The following HIVEP3 variants were observed in gnomAD, a reference collection of about 807,000 sequenced individuals.
HIVEP3 encodes the protein HIVEP zinc finger 3, also known as transcription factor HIVEP3.
HIVEP3 carries 49 observed loss-of-function variants against 152.8 expected under a neutral mutation model. The ratio of observed to expected loss-of-function variants is 0.32; its 90% CI spans 0.26 to 0.41. HIVEP3 has a LOEUF of 0.41. HIVEP3 is among the 10% of genes least tolerant of loss of function. The pLI is 1.00. For synonymous variants in HIVEP3, 1,269 were observed against 1,289.0 expected (o/e 0.98, Z 0.33); for missense variants, 2,790 against 3,103.3 (o/e 0.90, Z 2.40).
intron 1 of HIVEP3, among the ~76,000 whole-genome samples, chr1:41,827,768 G>C (rs144915125): frequency 5.3e-5 from 8 of 152,140 alleles, no homozygotes; most frequent in African/African-American, 1.9e-4. Flanking sequence ...TTTCAAGGCT[G>C]CACTTACAAA....
At chr1:41,875,026 G>A (rs1236845992) in intron 1 of HIVEP3, among the ~76,000 whole-genome samples, 1 of 152,196 alleles carries the variant, frequency 6.6e-6, no homozygotes, top group Non-Finnish European at 1.5e-5. Flanking sequence ...GAACAACCTT[G>A]GCAGGTCACA....
intron 5 of HIVEP3, among the ~76,000 whole-genome samples, chr1:41,557,371 A>G (rs1223492794): frequency 2.0e-5 from 3 of 151,698 alleles, no homozygotes; most frequent in Admixed American, 1.3e-4. Context: ...AGGGACACAG[A>G]GGTGGGCAGG....
intron 5 of HIVEP3, among the ~76,000 whole-genome samples, chr1:41,553,039 G>A (rs566921604): frequency 4.9e-4 from 75 of 152,282 alleles, no homozygotes; most frequent in African/African-American, 1.7e-3. Flanking sequence ...CTGAGTTCAC[G>A]TCCTGGATAT....
At chr1:41,690,663 A>G (rs549005378) in intron 2 of HIVEP3, among the ~76,000 whole-genome samples, 1 of 152,304 alleles carries the variant, frequency 6.6e-6, no homozygotes, top group Admixed American at 6.5e-5. Flanking sequence ...TACACCTGTA[A>G]TCCCAGCACT....
intron 1 of HIVEP3, among the ~76,000 whole-genome samples, chr1:41,821,342 T>C (rs1642595184): frequency 6.6e-6 from 1 of 152,168 alleles, no homozygotes; most frequent in South Asian, 2.1e-4. Context: ...TAGGCATGCA[T>C]CCCTTGTCTT....
intron 1 of HIVEP3, among the ~76,000 whole-genome samples, chr1:41,737,337 T>G (rs1646933836): frequency 6.6e-6 from 1 of 152,222 alleles, no homozygotes; most frequent in African/African-American, 2.4e-5. Context: ...CCGTTCCCAC[T>G]GCCCACAGTG....
At chr1:41,560,412 G>A (rs984523158) in intron 5 of HIVEP3, among the ~76,000 whole-genome samples, 7 of 152,148 alleles carry the variant, frequency 4.6e-5, no homozygotes, top group African/African-American at 1.2e-4. Context: ...AACGGGGTTG[G>A]GGGCAGAGTA....
chr1:41,594,026 T>C (rs1374604671), intron 3 of HIVEP3, among the ~76,000 whole-genome samples: 1 of 152,124 alleles, frequency 6.6e-6, no homozygotes, highest in African/African-American at 2.4e-5. Flanking sequence ...CCTCTCTCCC[T>C]CTCCTAAGGA....
intron 4 of HIVEP3, among the ~76,000 whole-genome samples, chr1:41,578,968 A>G (rs557654725): frequency 6.6e-6 from 1 of 152,338 alleles, no homozygotes; most frequent in African/African-American, 2.4e-5. Context: ...TTGTCAGGGT[A>G]TGGTGGTGGC....
At chr1:41,660,495 A>G (rs540239344) in intron 2 of HIVEP3, among the ~76,000 whole-genome samples, 36 of 152,286 alleles carry the variant, frequency 2.4e-4, no homozygotes, top group African/African-American at 8.2e-4. Flanking sequence ...CTTTACCACT[A>G]ACTACTGGGT....
At chr1:41,673,000 A>G (rs1003940673) in intron 2 of HIVEP3, among the ~76,000 whole-genome samples, 9 of 152,264 alleles carry the variant, frequency 5.9e-5, no homozygotes, top group Admixed American at 5.9e-4. Flanking sequence ...GAATATACAC[A>G]TGTATAAAAT....
chr1:41,642,833 C>G (rs1645395802), intron 2 of HIVEP3, among the ~76,000 whole-genome samples: 1 of 152,128 alleles, frequency 6.6e-6, no homozygotes, highest in Admixed American at 6.5e-5. Flanking sequence ...CTTGAGGGAC[C>G]CGGCAGACTG....
intron 1 of HIVEP3, among the ~76,000 whole-genome samples, chr1:41,715,140 C>T (rs1330066508): frequency 3.3e-5 from 5 of 152,210 alleles, no homozygotes; most frequent in South Asian, 2.1e-4. Flanking sequence ...GAACCCCAGC[C>T]GGAGGCACCT....
chr1:41,878,939 A>G (rs1644218003), intron 1 of HIVEP3, among the ~76,000 whole-genome samples: 1 of 143,568 alleles, frequency 7.0e-6, no homozygotes, highest in Non-Finnish European at 1.5e-5. Context: ...TGGCAGGGAT[A>G]CCGCATACTC....
intron 1 of HIVEP3, among the ~76,000 whole-genome samples, chr1:41,865,281 T>C (rs1378092437): frequency 6.6e-6 from 1 of 152,228 alleles, no homozygotes; most frequent in African/African-American, 2.4e-5. Context: ...ACAGGAGATC[T>C]GGTCCTACCA....
chr1:41,934,711 A>C (rs1017135950), intron 1 of HIVEP3, among the ~76,000 whole-genome samples: 1 of 152,170 alleles, frequency 6.6e-6, no homozygotes, highest in African/African-American at 2.4e-5. Context: ...GAAATGTAAG[A>C]TATACGGGGA....
At chr1:41,831,079 A>C (rs999221833) in intron 1 of HIVEP3, among the ~76,000 whole-genome samples, 3 of 151,616 alleles carry the variant, frequency 2.0e-5, no homozygotes, top group African/African-American at 7.3e-5. Flanking sequence ...GTTTTTTCTC[A>C]CTCTCACATG....
intron 5 of HIVEP3, 138 bp downstream of exon 5, chr1:41,575,406 G>A: frequency 1.2e-6 from 1 of 839,464 alleles, no homozygotes; most frequent in Non-Finnish European, 1.9e-6. Context: ...GGTGATGTCT[G>A]CTGAAAGGCA....
At chr1:41,732,850 G>A (rs1223662753) in intron 1 of HIVEP3, among the ~76,000 whole-genome samples, 2 of 152,134 alleles carry the variant, frequency 1.3e-5, no homozygotes, top group East Asian at 1.9e-4. Flanking sequence ...AGATGGGACT[G>A]GGGGTCGGTA....
Sources: allele counts gnomAD v4.1 joint callset (sites outside exome capture counted in the v4.1 genomes callset), GRCh38; gene constraint gnomAD v4.1.1; transcripts MANE v1.5; gene names NCBI Gene and HGNC (gene_info 2026-07-23, HGNC 2026-07-21).